Variants in NAV1 observed in about 807,000 individuals in gnomAD.
NAV1 encodes neuron navigator 1, also known as pore membrane and/or filament interacting like protein 3.
Under a neutral mutation model 175.2 loss-of-function variants are expected in NAV1, and 18 were observed. That is an observed-to-expected ratio of 0.10 (90% CI 0.07 to 0.15). The LOEUF (loss-of-function observed/expected upper bound fraction) is 0.15, where lower values mean the gene tolerates loss of function less well. NAV1 is among the 10% of genes least tolerant of loss of function. NAV1 has a pLI of 1.00. For missense variants in NAV1, 1,731 were observed against 2,436.6 expected, an observed-to-expected ratio of 0.71 and a Z score of 6.10; for synonymous variants, 897 against 978.7, an observed-to-expected ratio of 0.92 and a Z score of 1.56.
chr1:201,823,049 A>G (rs1458050246), exon 30 of NAV1: 2 of 152,682 alleles, frequency 1.3e-5, no homozygotes, highest in African/African-American at 2.4e-5. Context: ...ACTGGGTCCC[A>G]TAGCTAAATT....
chr1:201,820,150 C>A (rs1679303644), exon 30 of NAV1: 1 of 518,630 alleles, frequency 1.9e-6, no homozygotes, highest in South Asian at 2.5e-5. Context: ...AACTTGTGCC[C>A]CCTAAACACA....
chr1:201,643,430 T>C (rs914207082), upstream of NAV1, among the ~76,000 whole-genome samples: 98 of 149,992 alleles, frequency 6.5e-4, no homozygotes, highest in African/African-American at 2.4e-3. Context: ...CTTCCTTCTT[T>C]CTCTTTTTTT....
intron 1 of NAV1, among the ~76,000 whole-genome samples, chr1:201,545,842 C>T (rs1665655417): frequency 6.6e-6 from 1 of 152,170 alleles, no homozygotes; most frequent in South Asian, 2.1e-4. Flanking sequence ...TATCTTTGCT[C>T]TTTACTGTTT....
At chr1:201,577,540 C>T in intron 1 of NAV1, among the ~76,000 whole-genome samples, 1 of 135,838 alleles carries the variant, frequency 7.4e-6, no homozygotes, top group Non-Finnish European at 1.5e-5. Flanking sequence ...GTTGGAAAAG[C>T]TGTTTTTCCT....
chr1:201,549,131 CT>C (rs766334077), intron 1 of NAV1, among the ~76,000 whole-genome samples: 18 of 139,232 alleles, frequency 1.3e-4, no homozygotes, highest in Non-Finnish European at 2.4e-4. Flanking sequence ...TTCTTTCTTT[CT>C]TTCTTTCTTT....
At chr1:201,596,786 G>A (rs1488408864) in intron 2 of NAV1, among the ~76,000 whole-genome samples, 2 of 151,930 alleles carry the variant, frequency 1.3e-5, no homozygotes, top group African/African-American at 4.8e-5. Context: ...GACAAGCAGG[G>A]CGGGTTGTTT....
Position 201,718,781 on chromosome 1 carries a change from C to A in NAV1, c.1226+26C>A. The A allele has an allele frequency of 6.3e-7, 1 of 1,575,276 alleles. No individual in the cohort carries two copies. The highest frequency in any genetic ancestry group is 8.7e-7 in the Non-Finnish European group (1 of 1,154,558). On this transcript the variant is annotated intron_variant, in intron 3 of 29. Coordinates refer to ENST00000367296, the Ensembl canonical transcript of NAV1. The surrounding 1 kb of genome is among the most constrained non-coding windows in gnomAD (Gnocchi z 4.8). ...GTAAGCGCAGGGGCTTCTTGGATGG[C>A]GGGGGAGGATGGTGGAAAGACCACT... is the stretch of plus-strand genomic sequence containing the variant.
intron 15 of NAV1, among the ~76,000 whole-genome samples, chr1:201,801,020 G>T (rs1456047892): frequency 2.6e-5 from 4 of 151,920 alleles, no homozygotes; most frequent in African/African-American, 9.7e-5. Flanking sequence ...GTAGAGATGG[G>T]GTTTCACTAT....
Position 201,810,408 on chromosome 1 carries a change from A to T in NAV1, c.4562-115A>T. On this transcript the variant is annotated intron_variant, in intron 23 of 29. Coordinates refer to ENST00000367296, the Ensembl canonical transcript of NAV1. The surrounding 1 kb of genome is among the most constrained non-coding windows in gnomAD (Gnocchi z 6.0). ...GGGACTCTTATGGAACCATGGGGCA[A>T]GTGGCTCTGAGTTTCTTCAGGGGGC... 1 of 998,240 alleles carries T rather than the reference A, an allele frequency of 1.0e-6. No homozygotes were observed. The allele number at this position is 998,240 out of a possible 1,614,324, so 61.8% of individuals were successfully genotyped here. A position where few individuals can be genotyped will look rare whatever the true frequency, so the allele number is the denominator to read the frequency against.
intron 2 of NAV1, among the ~76,000 whole-genome samples, chr1:201,638,773 AG>A (rs1359393611): frequency 6.6e-6 from 1 of 152,320 alleles, no homozygotes; most frequent in East Asian, 1.9e-4. Context: ...CCTGCTTCAA[AG>A]GCTTTTATGA....
chr1:201,599,699 C>T (rs1278391174), intron 2 of NAV1, among the ~76,000 whole-genome samples: 1 of 152,178 alleles, frequency 6.6e-6, no homozygotes, highest in Non-Finnish European at 1.5e-5. Flanking sequence ...TTCCGAGCGC[C>T]TGCTCTGATT....
At chr1:201,772,964 C>T (rs1052743951) in intron 3 of NAV1, among the ~76,000 whole-genome samples, 6 of 148,558 alleles carry the variant, frequency 4.0e-5, no homozygotes, top group Non-Finnish European at 7.4e-5. Flanking sequence ...ACCTGGGAGG[C>T]GGAGCTTGCA....
intron 14 of NAV1, 33 bp downstream of exon 18, chr1:201,793,908 G>GGGGGGGGGGGGGGCC: frequency 2.0e-6 from 1 of 492,384 alleles, no homozygotes; most frequent in Non-Finnish European, 4.1e-6. Context: ...GGAGGGGTGG[G>GGGGGGGGGGGGGGCC]TGCGGCGAGG....
intron 2 of NAV1, among the ~76,000 whole-genome samples, chr1:201,714,977 A>G (rs1258427515): frequency 6.6e-6 from 1 of 152,064 alleles, no homozygotes; most frequent in Non-Finnish European, 1.5e-5. Context: ...CATAATGCTG[A>G]CTGGTTTAGG....
intron 15 of NAV1, among the ~76,000 whole-genome samples, chr1:201,800,280 C>A (rs1051903926): frequency 1.3e-5 from 2 of 152,232 alleles, no homozygotes; most frequent in Non-Finnish European, 2.9e-5. Context: ...GAATTACAGG[C>A]ATGGGCCACC....
At position 201,633,618 on chromosome 1, in the gene NAV1, T is replaced by C. The variant is rs564464485; in HGVS notation, c.4+4111T>C. 1.0e-3 allele frequency among the ~76,000 whole-genome samples: 157 copies of C among 152,322 alleles called. 1 individual carries two copies. Among genetic ancestry groups the C allele is most frequent in the African/African-American group, 3.7e-3 (153 of 41,570 alleles). On this transcript the variant is annotated intron_variant, in intron 2 of 29. Coordinates refer to the NAV1 transcript ENST00000367302. Reference sequence around the variant, plus strand: ...CAGTCCCTGCTCACATCTCCCTCAATCTGAGCAGGTCCCAGGATGCCACTG... The same window carrying C: ...CAGTCCCTGCTCACATCTCCCTCAACCTGAGCAGGTCCCAGGATGCCACTG...
exon 1 of NAV1, chr1:201,623,602 T>A: frequency 2.0e-6 from 2 of 986,316 alleles, no homozygotes; most frequent in Non-Finnish European, 2.4e-6. Context: ...CCCCTTCCAG[T>A]ACAGGTGAGC....
intron 1 of NAV1, among the ~76,000 whole-genome samples, chr1:201,584,290 A>G (rs768847512): frequency 1.3e-5 from 2 of 152,230 alleles, no homozygotes; most frequent in African/African-American, 2.4e-5. Context: ...GGGACTGCCC[A>G]TCTAATGGTT....
upstream of NAV1, among the ~76,000 whole-genome samples, chr1:201,617,953 A>G (rs760463365): frequency 7.2e-5 from 11 of 152,178 alleles, no homozygotes; most frequent in Non-Finnish European, 1.6e-4. Context: ...GCCTCAGAGC[A>G]AGCATGATGT....
Sources: gnomAD v4.1 joint callset for allele counts (sites outside exome capture counted in the v4.1 genomes callset) on GRCh38, gnomAD v4.1.1 for gene constraint, Gnocchi (gnomAD v3.1) non-coding constraint, MANE v1.5 for transcripts, NCBI Gene and HGNC (gene_info 2026-07-23, HGNC 2026-07-21) for gene names.